The following FCHSD2 variants were observed in gnomAD, a reference collection of about 807,000 sequenced individuals.
FCHSD2 encodes FCH and double SH3 domains 2.
In FCHSD2, 38 loss-of-function variants were observed where a neutral mutation model predicts 108.1. The observed-to-expected ratio is 0.35, with a 90% CI of 0.27 to 0.46. The LOEUF (loss-of-function observed/expected upper bound fraction) is 0.46. Ranked by LOEUF, FCHSD2 falls within the 20% of genes least tolerant of loss-of-function variation. FCHSD2 has a pLI of 1.00. For synonymous variants in FCHSD2, 279 were observed against 314.7 expected (o/e 0.89, Z 1.20); for missense variants, 751 against 897.8 (o/e 0.84, Z 2.09).
At chr11:72,842,567 G>C in intron 17 of FCHSD2, 54 bp downstream of exon 17, 2 of 1,606,992 alleles carry the variant, frequency 1.2e-6, no homozygotes, top group South Asian at 2.2e-5. Flanking sequence ...CAGACCCTTT[G>C]GGAGCAATTT....
At chr11:72,966,903 T>C (rs886628178) in intron 8 of FCHSD2, among the ~76,000 whole-genome samples, 3 of 151,972 alleles carry the variant, frequency 2.0e-5, no homozygotes, top group Non-Finnish European at 4.4e-5. Flanking sequence ...ACCCTGATTA[T>C]GAGTTAAGAA....
chr11:73,015,528 T>C (rs1474712295), intron 4 of FCHSD2, among the ~76,000 whole-genome samples: 7 of 152,194 alleles, frequency 4.6e-5, no homozygotes, highest in Admixed American at 6.5e-5. Flanking sequence ...CATTGTCACC[T>C]GCCTTCTTTA....
At chr11:73,130,281 A>G (rs1319567903) in intron 2 of FCHSD2, among the ~76,000 whole-genome samples, 1 of 149,168 alleles carries the variant, frequency 6.7e-6, no homozygotes, top group Non-Finnish European at 1.5e-5. Context: ...GGGTCTTGCT[A>G]AGTTGCCCAG....
At chr11:73,111,339 A>C (rs1591562256) in intron 2 of FCHSD2, among the ~76,000 whole-genome samples, 1 of 152,276 alleles carries the variant, frequency 6.6e-6, no homozygotes, top group East Asian at 1.9e-4. Flanking sequence ...TCTTCTTGCT[A>C]AATTGACCTC....
Position 72,865,367 on chromosome 11 carries a change from T to C in FCHSD2, c.1308+2498A>G, listed in dbSNP as rs76949292. 9.2e-3 allele frequency among the ~76,000 whole-genome samples: 1,401 copies of C among 152,298 alleles called. 22 individuals carry two copies. Among genetic ancestry groups the C allele is most frequent in the African/African-American group, 0.031 (1,277 of 41,544 alleles). On this transcript the variant is annotated intron_variant, in intron 13 of 19. Coordinates refer to ENST00000409418, the MANE Select transcript of FCHSD2 (RefSeq NM_014824.3). ...TATGTCTCTCCTTTATTTATATTAT[T>C]AGATCTTCCACAAAATGTAATCTCT...
At chr11:72,911,777 C>T (rs889717145) in intron 9 of FCHSD2, among the ~76,000 whole-genome samples, 1 of 152,096 alleles carries the variant, frequency 6.6e-6, no homozygotes, top group Admixed American at 6.5e-5. Flanking sequence ...AGTGCACTGG[C>T]ACAATCCTGG....
At chr11:73,100,018 G>A (rs1010150229) in intron 2 of FCHSD2, among the ~76,000 whole-genome samples, 1 of 152,130 alleles carries the variant, frequency 6.6e-6, no homozygotes. Flanking sequence ...ATCTTCAACC[G>A]CTGCCTTCCC....
intron 2 of FCHSD2, among the ~76,000 whole-genome samples, chr11:73,100,864 T>G (rs1860208147): frequency 1.0e-5 from 1 of 96,528 alleles, no homozygotes; most frequent in African/African-American, 3.7e-5. Context: ...CTACGTGGGA[T>G]TTTTTTTTTT....
At chr11:72,890,879 A>C (rs2135252670) in intron 10 of FCHSD2, among the ~76,000 whole-genome samples, 1 of 152,334 alleles carries the variant, frequency 6.6e-6, no homozygotes, top group Non-Finnish European at 1.5e-5. Flanking sequence ...AACAAACTTT[A>C]TTGAGATAAT....
At chr11:72,971,575 A>C (rs997019589) in intron 8 of FCHSD2, among the ~76,000 whole-genome samples, 8 of 152,156 alleles carry the variant, frequency 5.3e-5, no homozygotes, top group Non-Finnish European at 1.0e-4. Flanking sequence ...TGTACAAAGG[A>C]CCTGAGAGCA....
intron 3 of FCHSD2, among the ~76,000 whole-genome samples, chr11:73,027,455 C>G (rs1372710619): frequency 6.6e-6 from 1 of 152,090 alleles, no homozygotes; most frequent in Non-Finnish European, 1.5e-5. Context: ...CTGGCTTTTT[C>G]TGAAAGCATA....
At position 72,839,015 on chromosome 11, in the gene FCHSD2, C is replaced by A; in HGVS notation, c.2140-141G>T. On this transcript the variant is annotated intron_variant, in intron 19 of 19. Coordinates refer to ENST00000409418, the MANE Select transcript of FCHSD2 (RefSeq NM_014824.3). ...AATGTTGTGAGCACGTGCTTTCAACCTAGTCTTCACTATTTCCTACACTGA... is the reference window on the plus strand; with the variant it reads ...AATGTTGTGAGCACGTGCTTTCAACATAGTCTTCACTATTTCCTACACTGA... 6.2e-6 allele frequency: 4 copies of A among 649,982 alleles called. No homozygotes were observed. The South Asian group carries it at 7.3e-5, about 12-fold the overall frequency. The allele number at this position is 649,982 out of a possible 1,614,324, so 40.3% of individuals were successfully genotyped here.
intron 9 of FCHSD2, among the ~76,000 whole-genome samples, chr11:72,910,120 G>A (rs1464282145): frequency 4.7e-5 from 7 of 149,962 alleles, no homozygotes; most frequent in African/African-American, 1.7e-4. Context: ...CATCGTCTGG[G>A]AAGTGAGGAG....
intron 12 of FCHSD2, among the ~76,000 whole-genome samples, chr11:72,880,884 AAACAACAAC>A (rs944564985): frequency 6.6e-6 from 1 of 151,750 alleles, no homozygotes; most frequent in East Asian, 1.9e-4. Flanking sequence ...AAAAAAAAGA[AAACAACAAC>A]AACAACAACA....
chr11:72,950,457 T>C lies in FCHSD2; in HGVS notation c.706-28507A>G, dbSNP rs115538474. 8.8e-3 allele frequency among the ~76,000 whole-genome samples: 1,342 copies of C among 152,136 alleles called. 26 individuals carry two copies. Among genetic ancestry groups the C allele is most frequent in the African/African-American group, 0.031 (1,286 of 41,512 alleles). ...TTTTTTTCCCTCAAAGAGTTTTATA[T>C]AGTTTTAGCTCTTAAGTCTTTGATT... is the stretch of plus-strand genomic sequence containing the variant. On this transcript the variant is annotated intron_variant, in intron 8 of 19. Coordinates refer to ENST00000409418, the MANE Select transcript of FCHSD2 (RefSeq NM_014824.3).
At chr11:72,897,931 T>A (rs760347562) in intron 10 of FCHSD2, among the ~76,000 whole-genome samples, 12 of 152,224 alleles carry the variant, frequency 7.9e-5, no homozygotes, top group Non-Finnish European at 1.6e-4. Context: ...CTTTCTGGTA[T>A]CATCTGAGAA....
intron 5 of FCHSD2, among the ~76,000 whole-genome samples, chr11:72,993,203 A>T (rs1206325788): frequency 6.6e-6 from 1 of 152,168 alleles, no homozygotes; most frequent in Admixed American, 6.5e-5. Context: ...TCAAAACCAC[A>T]ATGAGATACC....
chr11:72,873,243 C>T (rs994240518), intron 12 of FCHSD2, among the ~76,000 whole-genome samples: 1 of 151,732 alleles, frequency 6.6e-6, no homozygotes, highest in Non-Finnish European at 1.5e-5. Context: ...GCAGGAGAAT[C>T]GCTTGAACCT....
rs964710060 is a variant in FCHSD2, at chr11:72,849,211, C to T, written c.1443+544G>A. Among the ~76,000 whole-genome samples, 7 of 152,256 alleles carry T rather than the reference C, an allele frequency of 4.6e-5. No individual in the cohort carries two copies. The South Asian group carries it at 1.5e-3, about 32-fold the overall frequency. On this transcript the variant is annotated intron_variant, in intron 14 of 19. Coordinates refer to ENST00000409418, the MANE Select transcript of FCHSD2 (RefSeq NM_014824.3). Reference sequence around the variant, plus strand: ...GGGCAAGAGAAGATTCATGTATTCACGCCTCCCTTCCAACATTCATGTAGT... The same window carrying T: ...GGGCAAGAGAAGATTCATGTATTCATGCCTCCCTTCCAACATTCATGTAGT...
Sources: gnomAD v4.1 joint callset for allele counts (sites outside exome capture counted in the v4.1 genomes callset) on GRCh38, gnomAD v4.1.1 for gene constraint, MANE v1.5 for transcripts, NCBI Gene and HGNC (gene_info 2026-07-23, HGNC 2026-07-21) for gene names.